The following CTNNA3 variants were observed in gnomAD, a reference collection of about 807,000 sequenced individuals.
The protein encoded by CTNNA3 is catenin alpha 3, also known as catenin alpha-3.
CTNNA3 carries 76 observed loss-of-function variants against 95.7 expected under a neutral mutation model. The observed-to-expected ratio is 0.79, with a 90% CI of 0.66 to 0.96. The LOEUF (loss-of-function observed/expected upper bound fraction) is 0.96, where lower values mean the gene tolerates loss of function less well. CTNNA3 is among the 40% of genes least tolerant of loss of function. CTNNA3 has a pLI of 0.00. For synonymous variants in CTNNA3, 431 were observed against 374.4 expected (o/e 1.15, Z -1.74); for missense variants, 1,191 against 1,089.8 (o/e 1.09, Z -1.31).
intron 6 of CTNNA3, among the ~76,000 whole-genome samples, chr10:67,180,876 A>C (rs947583019): frequency 6.6e-6 from 1 of 152,214 alleles, no homozygotes; most frequent in Admixed American, 6.5e-5. Context: ...ATAAATGCTT[A>C]ATACACTGAC....
chr10:67,307,133 T>C (rs150566240), intron 5 of CTNNA3, among the ~76,000 whole-genome samples: 28 of 152,214 alleles, frequency 1.8e-4, no homozygotes, highest in African/African-American at 6.0e-4. Flanking sequence ...ACAAGTTGCT[T>C]AGTATTTTTG....
intron 10 of CTNNA3, among the ~76,000 whole-genome samples, chr10:66,588,316 C>A (rs201385193): frequency 6.6e-6 from 1 of 151,614 alleles, no homozygotes; most frequent in Non-Finnish European, 1.5e-5. Context: ...TTTCTTCTTT[C>A]AAAGGGTCTG....
At chr10:66,199,805 A>ATATGTATATATATATATATTTT (rs1564756586) in intron 13 of CTNNA3, among the ~76,000 whole-genome samples, 10 of 14,292 alleles carry the variant, frequency 7.0e-4, no homozygotes, top group Admixed American at 4.1e-3. Context: ...ATATATATAT[A>ATATGTATATATATATATATTTT]TTTTTTTTTT....
chr10:65,954,120 A>G (rs1401883468), intron 17 of CTNNA3, among the ~76,000 whole-genome samples: 1 of 152,106 alleles, frequency 6.6e-6, no homozygotes, highest in Non-Finnish European at 1.5e-5. Flanking sequence ...TTTGATTTGC[A>G]TTTCTCTGAT....
intron 13 of CTNNA3, among the ~76,000 whole-genome samples, chr10:66,264,920 C>T (rs140474369): frequency 9.2e-5 from 14 of 152,104 alleles, no homozygotes; most frequent in African/African-American, 3.1e-4. Context: ...GCAAGCAAAA[C>T]AATACTTAGC....
At chr10:66,890,703 A>C (rs1390657186) in intron 7 of CTNNA3, among the ~76,000 whole-genome samples, 3 of 152,198 alleles carry the variant, frequency 2.0e-5, no homozygotes, top group South Asian at 2.1e-4. Context: ...GGAGATGAGC[A>C]GTTGTGGTTT....
chr10:67,553,581 T>C (rs889200821), intron 3 of CTNNA3, among the ~76,000 whole-genome samples: 1 of 152,174 alleles, frequency 6.6e-6, no homozygotes, highest in Non-Finnish European at 1.5e-5. Context: ...ATTTGAGGAA[T>C]GGCATTTAAA....
chr10:66,914,980 T>C (rs953261156), intron 7 of CTNNA3, among the ~76,000 whole-genome samples: 18 of 152,054 alleles, frequency 1.2e-4, no homozygotes, highest in Non-Finnish European at 4.4e-5. Context: ...GACATTACTC[T>C]GTAGGATGGA....
intron 7 of CTNNA3, among the ~76,000 whole-genome samples, chr10:67,174,350 G>A (rs144720713): frequency 1.6e-3 from 251 of 152,182 alleles, no homozygotes; most frequent in South Asian, 2.7e-3. Context: ...CTCAATAGAG[G>A]AACCCAGATG....
chr10:66,156,947 C>T (rs1035300629), intron 13 of CTNNA3, among the ~76,000 whole-genome samples: 1 of 151,930 alleles, frequency 6.6e-6, no homozygotes, highest in Admixed American at 6.6e-5. Flanking sequence ...TTGTTGAGAA[C>T]AGACTGATGA....
At chr10:66,272,184 G>A (rs1274899176) in intron 13 of CTNNA3, among the ~76,000 whole-genome samples, 1 of 152,110 alleles carries the variant, frequency 6.6e-6, no homozygotes, top group African/African-American at 2.4e-5. Context: ...GAATCCCCCT[G>A]GTAGGTGGTT....
chr10:67,491,916 G>A (rs1848659760), intron 5 of CTNNA3, among the ~76,000 whole-genome samples: 1 of 152,012 alleles, frequency 6.6e-6, no homozygotes. Context: ...ATATAAAAAT[G>A]TATTTACAAT....
At chr10:66,809,395 C>A (rs1191108388) in intron 7 of CTNNA3, among the ~76,000 whole-genome samples, 1 of 151,974 alleles carries the variant, frequency 6.6e-6, no homozygotes, top group Admixed American at 6.6e-5. Flanking sequence ...CCTAGGTATT[C>A]TATATTTTTA....
intron 11 of CTNNA3, among the ~76,000 whole-genome samples, chr10:66,422,352 T>C (rs957568404): frequency 6.6e-6 from 1 of 152,144 alleles, no homozygotes; most frequent in Non-Finnish European, 1.5e-5. Flanking sequence ...TCATCAGTTT[T>C]TTATCACTTA....
intron 11 of CTNNA3, among the ~76,000 whole-genome samples, chr10:66,432,344 T>A (rs60542749): frequency 8.1e-4 from 123 of 152,256 alleles, no homozygotes; most frequent in African/African-American, 2.8e-3. Flanking sequence ...ACGCATTTTT[T>A]AAAATTATTA....
chr10:66,218,200 G>T (rs2131970947), intron 13 of CTNNA3, among the ~76,000 whole-genome samples: 1 of 152,130 alleles, frequency 6.6e-6, no homozygotes, highest in South Asian at 2.1e-4. Flanking sequence ...ACAAGAACCT[G>T]TTTTTTTCTA....
chr10:67,045,560 G>C (rs1013497915), intron 7 of CTNNA3, among the ~76,000 whole-genome samples: 18 of 152,140 alleles, frequency 1.2e-4, no homozygotes, highest in African/African-American at 4.3e-4. Flanking sequence ...GAATGGTTTA[G>C]CGCCAGGTTC....
chr10:67,667,813 T>C (rs1047636473), intron 1 of CTNNA3, among the ~76,000 whole-genome samples: 2 of 152,144 alleles, frequency 1.3e-5, no homozygotes, highest in African/African-American at 4.8e-5. Context: ...TATATTCTTT[T>C]ATGAAATTTT....
At chr10:66,081,893 G>C (rs2080776711) in intron 14 of CTNNA3, among the ~76,000 whole-genome samples, 1 of 152,036 alleles carries the variant, frequency 6.6e-6, no homozygotes, top group African/African-American at 2.4e-5. Context: ...GCGGTGGGCG[G>C]ATCACTTGAG....
Sources: allele counts gnomAD v4.1 joint callset (sites outside exome capture counted in the v4.1 genomes callset), GRCh38; gene constraint gnomAD v4.1.1; transcripts MANE v1.5; gene names NCBI Gene and HGNC (gene_info 2026-07-23, HGNC 2026-07-21).